Variants in DYNC2H1 observed in about 807,000 individuals in gnomAD.
The protein encoded by DYNC2H1 is dynein cytoplasmic 2 heavy chain 1.
Under a neutral mutation model 570.0 loss-of-function variants are expected in DYNC2H1, and 410 were observed. The observed-to-expected ratio is 0.72, with a 90% CI of 0.66 to 0.78. DYNC2H1 has a LOEUF of 0.78. Ranked by LOEUF, DYNC2H1 falls within the 30% of genes least tolerant of loss-of-function variation. The pLI, the probability that DYNC2H1 is intolerant of heterozygous loss-of-function variation, is 0.00. For missense variants in DYNC2H1, 4,865 were observed against 5,046.4 expected, an observed-to-expected ratio of 0.96 and a Z score of 1.09; for synonymous variants, 1,688 against 1,677.6, an observed-to-expected ratio of 1.01 and a Z score of -0.15.
chr11:103,158,567 A>G (rs547472347), intron 26 of DYNC2H1, 110 bp from the exon 27 acceptor site: 10 of 804,196 alleles, frequency 1.2e-5, no homozygotes, highest in Middle Eastern at 3.5e-4. Flanking sequence ...TACTGTTATA[A>G]TAGTGTTACC....
chr11:103,316,015 T>G (rs1028938660), intron 79 of DYNC2H1, among the ~76,000 whole-genome samples: 1 of 152,088 alleles, frequency 6.6e-6, no homozygotes, highest in Non-Finnish European at 1.5e-5. Context: ...ATGTTTCAAT[T>G]TATTGTCTAC....
chr11:103,296,918 A>G (rs1369876135), intron 75 of DYNC2H1, among the ~76,000 whole-genome samples: 1 of 151,732 alleles, frequency 6.6e-6, no homozygotes, highest in Non-Finnish European at 1.5e-5. Flanking sequence ...TTCATTCCCC[A>G]ACCCTCTTAG....
intron 75 of DYNC2H1, chr11:103,287,880 C>T (rs561630947): frequency 1.6e-5 from 5 of 320,334 alleles, no homozygotes; most frequent in Admixed American, 9.6e-5. Context: ...AAGAGTAATT[C>T]ACACAGAGCC....
intron 65 of DYNC2H1, among the ~76,000 whole-genome samples, chr11:103,247,317 C>T (rs1215226351): frequency 2.6e-5 from 4 of 151,974 alleles, no homozygotes; most frequent in Admixed American, 2.0e-4. Flanking sequence ...CAGATGCCTC[C>T]TTTTAGGCAT....
At chr11:103,322,825 C>T (rs998904527) in intron 81 of DYNC2H1, among the ~76,000 whole-genome samples, 5 of 152,252 alleles carry the variant, frequency 3.3e-5, no homozygotes, top group African/African-American at 4.8e-5. Context: ...ATGTTTCCCA[C>T]GATAATACAT....
intron 70 of DYNC2H1, among the ~76,000 whole-genome samples, chr11:103,262,118 T>C (rs1201165997): frequency 6.6e-6 from 1 of 152,044 alleles, no homozygotes; most frequent in East Asian, 1.9e-4. Context: ...AAGATCAACT[T>C]AATGAAATAA....
Position 103,199,454 on chromosome 11 carries a change from A to G in DYNC2H1, c.8066A>G (p.Gln2689Arg), listed in dbSNP as rs1373453460. 6.3e-7 allele frequency: 1 copy of G among 1,580,574 alleles called. No individual in the cohort carries two copies. Among genetic ancestry groups the G allele is most frequent in the South Asian group, 1.2e-5 (1 of 83,554 alleles). The change falls in exon 49 of 89, where the codon CAG (glutamine) becomes CGG (arginine). Residue 2689 changes from glutamine (Q) to arginine (R), a missense_variant. By Grantham distance (43) the Gln-to-Arg change is conservative. Around this residue, in one of 5 missense-constraint regions of DYNC2H1, gnomAD observed 2,401 missense variants for 2,454.6 expected, o/e 0.98. Transcript: ENST00000375735. This position sits in a 1 kb window ranked among gnomAD's most constrained non-coding sequence, Gnocchi z 4.6. The stretch of plus-strand genomic sequence containing the variant: ...ATTTCCAGAGGATATGAACTGAAGC[A>G]GTTCAAAAATGATCTCAAACATGTG... ...PKISRGYELKQFKNDLKHVLQ... is the reference protein window; with the variant it reads ...PKISRGYELKRFKNDLKHVLQ...
rs140380392 is a variant in DYNC2H1, at chr11:103,239,642, A to AGTGT, written c.9819+3136_9819+3139dup. Among the ~76,000 whole-genome samples the AGTGT allele has an allele frequency of 8.6e-3, 1,198 of 140,094 alleles. 19 individuals carry two copies. Among genetic ancestry groups the AGTGT allele is most frequent in the African/African-American group, 0.023 (865 of 37,886 alleles). The allele number at this position is 140,094 out of a possible 152,430, so 91.9% of individuals were successfully genotyped here. A position where few individuals can be genotyped will look rare whatever the true frequency, so the allele number is the denominator to read the frequency against. On this transcript the variant is annotated intron_variant, in intron 63 of 88. Coordinates refer to ENST00000375735, the MANE Select transcript of DYNC2H1 (RefSeq NM_001377.3). This position sits in a 1 kb window ranked among gnomAD's most constrained non-coding sequence, Gnocchi z 4.3. The stretch of plus-strand genomic sequence containing the variant: ...CTCCTGTCTATACACTTCTCATAGG[A>AGTGT]GTGTGTGTGTGTGTGTGTGTGTGTG...
chr11:103,387,705 C>T (rs1164956050), intron 83 of DYNC2H1, among the ~76,000 whole-genome samples: 1 of 152,138 alleles, frequency 6.6e-6, no homozygotes, highest in Admixed American at 6.5e-5. Context: ...GATCCAGTTT[C>T]AGCTTTCTAT....
Position 103,185,176 on chromosome 11 carries a change from A to G in DYNC2H1, c.6633+125A>G, listed in dbSNP as rs1017967770. 8 of 761,064 alleles carry G rather than the reference A, an allele frequency of 1.1e-5. No individual in the cohort carries two copies. Among genetic ancestry groups the G allele is most frequent in the South Asian group, 2.5e-5 (1 of 39,882 alleles). The allele number at this position is 761,064 out of a possible 1,614,324, so 47.1% of individuals were successfully genotyped here. A position where few individuals can be genotyped will look rare whatever the true frequency, so the allele number is the denominator to read the frequency against. On this transcript the variant is annotated intron_variant, in intron 41 of 88. Coordinates refer to ENST00000375735, the MANE Select transcript of DYNC2H1 (RefSeq NM_001377.3). The surrounding 1 kb of genome is among the most constrained non-coding windows in gnomAD (Gnocchi z 4.5). ...TTTAAAATTTGAAATTATGTATTCA[A>G]TTGAGTAATAATGTATTTATGTATG...
chr11:103,390,519 T>A (rs1942097376), intron 83 of DYNC2H1, among the ~76,000 whole-genome samples: 1 of 152,186 alleles, frequency 6.6e-6, no homozygotes, highest in Non-Finnish European at 1.5e-5. Context: ...TATTGTTATG[T>A]GTGAATTTGA....
In DYNC2H1 at chr11:103,399,755, T is replaced by C. The variant is rs747439058; in HGVS notation, c.12249T>C (p.Ala4083=). Residue 4083 remains alanine, a synonymous_variant, in exon 84 of 89, where the codon GCT becomes GCC. Coordinates refer to ENST00000375735, the MANE Select transcript of DYNC2H1 (RefSeq NM_001377.3). ...TCATCATTCTTGAACAATTTAATGC[T>C]ATTCGTTTAGTACAAAGTGTCCACC... The part of the protein sequence containing the change: ...LSFIILEQFN[A]IRLVQSVHQS... 6.2e-7 allele frequency: 1 copy of C among 1,613,924 alleles called. No homozygotes were observed. Among genetic ancestry groups the C allele is most frequent in the Non-Finnish European group, 8.5e-7 (1 of 1,179,826 alleles).
At chr11:103,371,904 T>C (rs1287436388) in intron 83 of DYNC2H1, among the ~76,000 whole-genome samples, 1 of 149,640 alleles carries the variant, frequency 6.7e-6, no homozygotes, top group African/African-American at 2.4e-5. Context: ...AGGAACAATT[T>C]GGTTTCTTCC....
At chr11:103,304,814 AT>A (rs1205089713) in intron 77 of DYNC2H1, 94 bp downstream of exon 77, 1 of 1,241,080 alleles carries the variant, frequency 8.1e-7, no homozygotes, top group Non-Finnish European at 1.1e-6. Context: ...ATTATTTATG[AT>A]GATTTAAAAA....
rs1452036956 is a variant in DYNC2H1, at chr11:103,203,133, G to A, written c.8198-530G>A. ...CTCAGAAATTTAAAGTCTAATTGGA[G>A]ATAAGAAGGAAGTAATTCATTATTA... On this transcript the variant is annotated intron_variant, in intron 50 of 88. Transcript: ENST00000375735. This position sits in a 1 kb window ranked among gnomAD's most constrained non-coding sequence, Gnocchi z 4.7. Among the ~76,000 whole-genome samples, 9 of 152,190 alleles carry A rather than the reference G, an allele frequency of 5.9e-5. No homozygotes were observed. The highest frequency in any genetic ancestry group is 2.2e-4 in the African/African-American group (9 of 41,454).
rs1205993831 is a variant in DYNC2H1 at position 103,252,432 on chromosome 11, C to T, written c.10043-853C>T. Among the ~76,000 whole-genome samples, 1 of 152,142 alleles carries T rather than the reference C, an allele frequency of 6.6e-6. No individual in the cohort carries two copies. Among genetic ancestry groups the T allele is most frequent in the African/African-American group, 2.4e-5 (1 of 41,432 alleles). ...TTTAATTTCTTTAGGAACCTTCCTA[C>T]CATTTTTCATAATGGCTGCCCTGGT... On this transcript the variant is annotated intron_variant, in intron 65 of 88. Coordinates refer to ENST00000375735, the MANE Select transcript of DYNC2H1 (RefSeq NM_001377.3). The surrounding 1 kb of genome is among the most constrained non-coding windows in gnomAD (Gnocchi z 4.6).
At chr11:103,123,838 T>C (rs1284669684) in intron 11 of DYNC2H1, among the ~76,000 whole-genome samples, 1 of 146,314 alleles carries the variant, frequency 6.8e-6, no homozygotes, top group African/African-American at 2.5e-5. Flanking sequence ...TTTTTTTTTT[T>C]AGACCCATTT....
chr11:103,212,968 G>A (rs1863215902), intron 54 of DYNC2H1, among the ~76,000 whole-genome samples: 1 of 152,076 alleles, frequency 6.6e-6, no homozygotes. Flanking sequence ...TGTACTTTAT[G>A]ATGGGTGCTC....
intron 84 of DYNC2H1, among the ~76,000 whole-genome samples, chr11:103,426,389 C>A (rs939077087): frequency 6.6e-6 from 1 of 152,146 alleles, no homozygotes. Flanking sequence ...ATCTCCACAA[C>A]CAAGCTGGTC....
Sources: gnomAD v4.1 joint callset for allele counts (sites outside exome capture counted in the v4.1 genomes callset) on GRCh38, gnomAD v4.1.1 for gene constraint, gnomAD v4.1.1 regional missense constraint, Gnocchi (gnomAD v3.1) non-coding constraint, MANE v1.5 for transcripts, NCBI Gene and HGNC (gene_info 2026-07-23, HGNC 2026-07-21) for gene names.